PCDHA7: variants seen among roughly 807,000 people sequenced by gnomAD.
PCDHA7 encodes protocadherin alpha 7.
In PCDHA7, 37 loss-of-function variants were observed where a neutral mutation model predicts 57.2. The observed-to-expected ratio is 0.65, with a 90% CI of 0.50 to 0.85. PCDHA7 has a LOEUF of 0.85. PCDHA7 is among the 40% of genes least tolerant of loss of function. The pLI is 0.00. For synonymous variants in PCDHA7, 553 were observed against 558.8 expected (o/e 0.99, Z 0.15); for missense variants, 1,188 against 1,241.8 (o/e 0.96, Z 0.65).
rs202010088 is a variant in PCDHA7 at position 140,869,201 on chromosome 5, A to G, written c.2355+32463A>G. On this transcript the variant is annotated intron_variant, in intron 1 of 3. Transcript: ENST00000525929. ...GAGGTGGGGAGCGGCCAGCTCCACTACTCCGTCTCGGAGGAGGCCAAACAC... is the reference window on the plus strand; with the variant it reads ...GAGGTGGGGAGCGGCCAGCTCCACTGCTCCGTCTCGGAGGAGGCCAAACAC... 1.3e-3 allele frequency: 2,112 copies of G among 1,612,868 alleles called. 36 individuals carry two copies. The highest frequency in any genetic ancestry group is 1.6e-3 in the Admixed American group (96 of 59,934).
intron 1 of PCDHA7, chr5:140,876,661 C>T: frequency 1.2e-6 from 2 of 1,614,212 alleles, no homozygotes; most frequent in Non-Finnish European, 1.7e-6. Context: ...TCCCTTCAAG[C>T]TGGTGTCCAC....
chr5:140,925,671 A>G (rs999903876), intron 1 of PCDHA7, among the ~76,000 whole-genome samples: 5 of 148,178 alleles, frequency 3.4e-5, no homozygotes, highest in African/African-American at 1.2e-4. Flanking sequence ...TAATAATAAT[A>G]ATAATAAAGC....
intron 3 of PCDHA7, among the ~76,000 whole-genome samples, chr5:140,992,128 G>GACTGATGAT (rs2097493639): frequency 6.6e-6 from 1 of 151,816 alleles, no homozygotes; most frequent in Non-Finnish European, 1.5e-5. Context: ...GAAGAACAGT[G>GACTGATGAT]ACTGATGATG....
chr5:140,850,087 TAC>T (rs2041337151), intron 1 of PCDHA7: 1 of 1,596,398 alleles, frequency 6.3e-7, no homozygotes, highest in African/African-American at 1.3e-5. Context: ...CTGGAGCTGC[TAC>T]AGTTCCAGGT....
At chr5:140,944,304 C>T (rs1383475197) in intron 1 of PCDHA7, among the ~76,000 whole-genome samples, 1 of 152,162 alleles carries the variant, frequency 6.6e-6, no homozygotes, top group Non-Finnish European at 1.5e-5. Context: ...CCTCCTACCT[C>T]AGCCTCCTGA....
intron 1 of PCDHA7, among the ~76,000 whole-genome samples, chr5:140,949,245 A>G (rs782212374): frequency 2.4e-4 from 37 of 151,798 alleles, no homozygotes; most frequent in Non-Finnish European, 4.3e-4. Context: ...GCAACAGTCT[A>G]TCTTGATGAA....
intron 1 of PCDHA7, chr5:140,842,916 A>T: frequency 6.3e-7 from 1 of 1,594,694 alleles, no homozygotes; most frequent in East Asian, 2.2e-5. Flanking sequence ...GAGCTGCTGC[A>T]GTTCCAGGTG....
chr5:141,009,562 C>T, intron 3 of PCDHA7, 65 bp from the exon 4 acceptor site: 7 of 1,571,344 alleles, frequency 4.5e-6, no homozygotes, highest in Non-Finnish European at 6.0e-6. Flanking sequence ...CTGTACTCTA[C>T]CAGCAGTGTG....
chr5:141,006,002 G>T (rs185630910), intron 3 of PCDHA7, among the ~76,000 whole-genome samples: 1 of 151,740 alleles, frequency 6.6e-6, no homozygotes, highest in East Asian at 1.9e-4. Context: ...CTGAAAGAAG[G>T]CCTGTATGGT....
chr5:140,895,136 A>G (rs781801401), intron 1 of PCDHA7, among the ~76,000 whole-genome samples: 43 of 152,306 alleles, frequency 2.8e-4, no homozygotes, highest in Non-Finnish European at 5.6e-4. Context: ...ACAAGTTCAT[A>G]GGGCTAAGAC....
chr5:140,941,874 A>C (rs1554214738), intron 1 of PCDHA7, among the ~76,000 whole-genome samples: 1 of 152,222 alleles, frequency 6.6e-6, no homozygotes, highest in African/African-American at 2.4e-5. Context: ...GAGTTCTATC[A>C]CCAGTGACTA....
rs542615615 is a variant in PCDHA7, at chr5:140,855,959, A to G, written c.2355+19221A>G. 8 of 1,399,890 alleles carry G rather than the reference A, an allele frequency of 5.7e-6. No homozygotes were observed. In the East Asian group the frequency reaches 1.1e-4, roughly 20 times the overall value. The allele number at this position is 1,399,890 out of a possible 1,614,324, so 86.7% of individuals were successfully genotyped here. On this transcript the variant is annotated intron_variant, in intron 1 of 3. Transcript: ENST00000525929. Reference sequence around the variant, plus strand: ...GAGATCTCAGCCATTTCGATAAAAAATAGATATAAGAAATAGGACAGAAAA... The same window carrying G: ...GAGATCTCAGCCATTTCGATAAAAAGTAGATATAAGAAATAGGACAGAAAA...
At chr5:141,004,367 T>C (rs1281168288) in intron 3 of PCDHA7, among the ~76,000 whole-genome samples, 5 of 152,198 alleles carry the variant, frequency 3.3e-5, no homozygotes, top group Non-Finnish European at 5.9e-5. Context: ...CCACACCTTG[T>C]TCTGCTCTGC....
intron 1 of PCDHA7, among the ~76,000 whole-genome samples, chr5:140,901,201 G>A (rs2068505084): frequency 6.6e-6 from 1 of 152,038 alleles, no homozygotes; most frequent in Admixed American, 6.6e-5. Context: ...CTGTGCAGAA[G>A]GTTTTTAAGT....
intron 1 of PCDHA7, among the ~76,000 whole-genome samples, chr5:140,935,894 CTTTTTTTT>C (rs55841305): frequency 1.5e-5 from 2 of 136,750 alleles, no homozygotes; most frequent in African/African-American, 5.4e-5. Context: ...TCAATATTAT[CTTTTTTTT>C]TTTTTTTTGA....
Position 140,843,508 on chromosome 5 carries a change from G to A in PCDHA7, c.2355+6770G>A, listed in dbSNP as rs2150361368. On this transcript the variant is annotated intron_variant, in intron 1 of 3. Transcript: ENST00000525929. ...TGCGGTGCTCAGCACTGCCCACTGA[G>A]GGCGGGTGCCGGGCGGGCAAGCCCA... 2.5e-6 allele frequency: 4 copies of A among 1,596,038 alleles called. No individual in the cohort carries two copies. The Admixed American group carries it at 6.7e-5, about 27-fold the overall frequency.
At position 140,843,574 on chromosome 5, in the gene PCDHA7, G is replaced by A. The variant is rs2150362915; in HGVS notation, c.2355+6836G>A. 1.8e-5 allele frequency: 28 copies of A among 1,595,908 alleles called. 3 individuals are homozygous for A. The highest frequency in any genetic ancestry group is 1.7e-4 in the Middle Eastern group (1 of 5,996). On this transcript the variant is annotated intron_variant, in intron 1 of 3. Coordinates refer to ENST00000525929, the MANE Select transcript of PCDHA7 (RefSeq NM_018910.3). ...GTGCGGTGGGGAGCTGGTCATACTCGCAACAACAGCCGCAGAGGGTGTGCT... is the reference window on the plus strand; with the variant it reads ...GTGCGGTGGGGAGCTGGTCATACTCACAACAACAGCCGCAGAGGGTGTGCT...
At chr5:140,897,237 G>C (rs1188679482) in intron 1 of PCDHA7, among the ~76,000 whole-genome samples, 1 of 151,784 alleles carries the variant, frequency 6.6e-6, no homozygotes, top group African/African-American at 2.4e-5. Context: ...CAATGTGCAG[G>C]TTAGTTACAT....
chr5:140,946,828 G>A (rs246052), intron 1 of PCDHA7, among the ~76,000 whole-genome samples: 84,737 of 150,610 alleles, frequency 0.56, 24,429 homozygotes, highest in African/African-American at 0.69. Context: ...CCAGAGATGG[G>A]TAGGGCAGTA....
Sources: gnomAD v4.1 joint callset for allele counts (sites outside exome capture counted in the v4.1 genomes callset) on GRCh38, gnomAD v4.1.1 for gene constraint, MANE v1.5 for transcripts, NCBI Gene and HGNC (gene_info 2026-07-23, HGNC 2026-07-21) for gene names.